LRFN5: variants seen among roughly 807,000 people sequenced by gnomAD.
LRFN5 encodes leucine rich repeat and fibronectin type III domain containing 5, also known as leucine-rich repeat and fibronectin type-III domain-containing protein 5.
Under a neutral mutation model 45.6 loss-of-function variants are expected in LRFN5, and 24 were observed. That is an observed-to-expected ratio of 0.53 (90% CI 0.38 to 0.74). The LOEUF is 0.74. Ranked by LOEUF, LRFN5 falls within the 30% of genes least tolerant of loss-of-function variation. LRFN5 has a pLI of 0.00. For synonymous variants in LRFN5, 340 were observed against 313.8 expected (o/e 1.08, Z -0.88); for missense variants, 776 against 861.5 (o/e 0.90, Z 1.24).
chr14:41,759,479 A>G (rs1885560615), intron 1 of LRFN5, among the ~76,000 whole-genome samples: 1 of 73,166 alleles, frequency 1.4e-5, no homozygotes, highest in Non-Finnish European at 2.7e-5. Context: ...ACACACACAC[A>G]CACACACACA....
intron 1 of LRFN5, among the ~76,000 whole-genome samples, chr14:41,672,723 C>T (rs1881293911): frequency 6.6e-6 from 1 of 152,122 alleles, no homozygotes; most frequent in Non-Finnish European, 1.5e-5. Context: ...AATCCTTACC[C>T]TGGGATTTGT....
chr14:41,837,071 G>A (rs1231828922), intron 2 of LRFN5, among the ~76,000 whole-genome samples: 1 of 151,818 alleles, frequency 6.6e-6, no homozygotes, highest in Admixed American at 6.6e-5. Flanking sequence ...AGAAGGTCAA[G>A]CCAGAACCTC....
intron 2 of LRFN5, among the ~76,000 whole-genome samples, chr14:41,815,599 G>A (rs1887890095): frequency 6.6e-6 from 1 of 151,994 alleles, no homozygotes; most frequent in Non-Finnish European, 1.5e-5. Flanking sequence ...TTAGCCAGGT[G>A]TGGCGGTGCA....
At chr14:41,715,876 C>T (rs1883472400) in intron 1 of LRFN5, among the ~76,000 whole-genome samples, 1 of 152,224 alleles carries the variant, frequency 6.6e-6, no homozygotes, top group South Asian at 2.1e-4. Flanking sequence ...CCCTTCCACA[C>T]TGCCCAAGCA....
chr14:41,664,623 C>T (rs902950523), intron 1 of LRFN5, among the ~76,000 whole-genome samples: 1 of 151,782 alleles, frequency 6.6e-6, no homozygotes, highest in Admixed American at 6.6e-5. Flanking sequence ...GATCACACTA[C>T]TGTAACATAG....
At chr14:41,835,382 G>C (rs146202782) in intron 2 of LRFN5, among the ~76,000 whole-genome samples, 1 of 152,076 alleles carries the variant, frequency 6.6e-6, no homozygotes, top group Non-Finnish European at 1.5e-5. Context: ...AGTAAACAAG[G>C]GTTCAAATAA....
chr14:41,865,570 C>G (rs1889812025), intron 2 of LRFN5, among the ~76,000 whole-genome samples: 1 of 152,030 alleles, frequency 6.6e-6, no homozygotes, highest in Non-Finnish European at 1.5e-5. Flanking sequence ...TTTCATTTCT[C>G]TGGTGTGTAA....
chr14:41,715,195 G>A (rs1221397757), intron 1 of LRFN5, among the ~76,000 whole-genome samples: 3 of 152,152 alleles, frequency 2.0e-5, no homozygotes, highest in African/African-American at 4.8e-5. Flanking sequence ...TCTCTAATGC[G>A]TGAGACTGCA....
intron 1 of LRFN5, among the ~76,000 whole-genome samples, chr14:41,645,934 A>G (rs1413113456): frequency 6.6e-6 from 1 of 152,188 alleles, no homozygotes; most frequent in Non-Finnish European, 1.5e-5. Context: ...TTAACCCTTC[A>G]GTCAACACAA....
intron 1 of LRFN5, among the ~76,000 whole-genome samples, chr14:41,665,114 G>A (rs951431206): frequency 4.0e-5 from 6 of 151,212 alleles, no homozygotes; most frequent in Non-Finnish European, 8.9e-5. Context: ...TTTTAATTTG[G>A]CATCCTTTTC....
intron 2 of LRFN5, among the ~76,000 whole-genome samples, chr14:41,875,885 T>C (rs1040857199): frequency 2.0e-5 from 3 of 152,192 alleles, no homozygotes; most frequent in African/African-American, 7.2e-5. Flanking sequence ...GTGTCCTGAC[T>C]TCTTACATAA....
At chr14:41,670,862 A>C (rs1881174903) in intron 1 of LRFN5, among the ~76,000 whole-genome samples, 1 of 152,078 alleles carries the variant, frequency 6.6e-6, no homozygotes, top group Non-Finnish European at 1.5e-5. Context: ...CTGTTACATT[A>C]CACTACACTA....
At chr14:41,815,132 C>A (rs947807896) in intron 2 of LRFN5, among the ~76,000 whole-genome samples, 1 of 152,148 alleles carries the variant, frequency 6.6e-6, no homozygotes, top group African/African-American at 2.4e-5. Context: ...TTCTGATAAA[C>A]AGGTGTTGAA....
intron 1 of LRFN5, among the ~76,000 whole-genome samples, chr14:41,747,064 G>A (rs761376549): frequency 6.6e-6 from 1 of 151,938 alleles, no homozygotes; most frequent in Non-Finnish European, 1.5e-5. Context: ...AGAAGACATA[G>A]ATTAGAAAGA....
At chr14:41,748,217 G>A (rs972169300) in intron 1 of LRFN5, among the ~76,000 whole-genome samples, 1 of 152,030 alleles carries the variant, frequency 6.6e-6, no homozygotes, top group Non-Finnish European at 1.5e-5. Flanking sequence ...AAATGTATTT[G>A]TATATCCATG....
At chr14:41,892,129 T>C in intron 4 of LRFN5, 167 bp downstream of exon 4, 1 of 985,420 alleles carries the variant, frequency 1.0e-6, no homozygotes, top group Non-Finnish European at 1.2e-6. Flanking sequence ...CTGACTGTTC[T>C]GATGGTCATA....
At chr14:41,727,301 A>G (rs1223824276) in intron 1 of LRFN5, among the ~76,000 whole-genome samples, 2 of 152,160 alleles carry the variant, frequency 1.3e-5, no homozygotes. Flanking sequence ...CAAATCAGCA[A>G]TGGAGGTAAA....
At chr14:41,872,751 G>C (rs1487561158) in intron 2 of LRFN5, among the ~76,000 whole-genome samples, 1 of 152,130 alleles carries the variant, frequency 6.6e-6, no homozygotes, top group Non-Finnish European at 1.5e-5. Context: ...TCATTGGAAG[G>C]CACAATTTAC....
At chr14:41,881,200 C>T (rs927517223) in intron 2 of LRFN5, among the ~76,000 whole-genome samples, 8 of 152,084 alleles carry the variant, frequency 5.3e-5, no homozygotes, top group African/African-American at 1.9e-4. Flanking sequence ...TACTGGTGAA[C>T]TGCTGTTGTT....
Sources: allele counts gnomAD v4.1 joint callset (sites outside exome capture counted in the v4.1 genomes callset), GRCh38; gene constraint gnomAD v4.1.1; transcripts MANE v1.5; gene names NCBI Gene and HGNC (gene_info 2026-07-23, HGNC 2026-07-21).